The following KCNAB2 variants were observed in gnomAD, a reference collection of about 807,000 sequenced individuals.
The protein encoded by KCNAB2 is voltage-gated potassium channel subunit beta-2.
In KCNAB2, 29 loss-of-function variants were observed where a neutral mutation model predicts 63.6. That is an observed-to-expected ratio of 0.46 (90% CI 0.34 to 0.62). The LOEUF is 0.62. Ranked by LOEUF, KCNAB2 falls within the 20% of genes least tolerant of loss-of-function variation. The probability of loss-of-function intolerance (pLI) is 0.01; values close to 1 mark genes in which losing one functional copy is unlikely to be tolerated. For synonymous variants in KCNAB2, 222 were observed against 224.2 expected (o/e 0.99, Z 0.09); for missense variants, 359 against 563.9 (o/e 0.64, Z 3.68).
In KCNAB2 at chr1:5,993,806, G is replaced by A. The variant is rs146536232; in HGVS notation, c.-53+1018G>A. Among the ~76,000 whole-genome samples, 1,025 of 152,268 alleles carry A rather than the reference G, an allele frequency of 6.7e-3. 6 individuals are homozygous for A. The highest frequency in any genetic ancestry group is 0.011 in the Non-Finnish European group (760 of 68,022). On this transcript the variant is annotated intron_variant, in intron 1 of 16. Transcript: ENST00000341524. ...CACTTTGTGATTCAGCATTTTTGGG[G>A]TTGGTAACTTTCTTGCTTCCTGTCG...
intron 5 of KCNAB2, among the ~76,000 whole-genome samples, chr1:6,084,955 C>T (rs1299827887): frequency 6.6e-6 from 1 of 152,240 alleles, no homozygotes; most frequent in Non-Finnish European, 1.5e-5. Context: ...GCCGCCACTG[C>T]TTAGACACGT....
Position 6,090,247 on chromosome 1 carries a change from G to C in KCNAB2, c.515-142G>C, listed in dbSNP as rs141338772. The C allele has an allele frequency of 1.6e-3, 906 of 573,584 alleles. 10 individuals carry two copies. In the African/African-American group the frequency reaches 0.016, roughly 10 times the overall value. The allele number at this position is 573,584 out of a possible 1,614,324, so 35.5% of individuals were successfully genotyped here. A position where few individuals can be genotyped will look rare whatever the true frequency, so the allele number is the denominator to read the frequency against. On this transcript the variant is annotated intron_variant, in intron 8 of 15. Coordinates refer to ENST00000378083, the MANE Select transcript of KCNAB2 (RefSeq NM_001199862.2). ...CCCCACCTCTGCCGTGGCATTTCAC[G>C]ACCTCCATCAGCTTCTGGAAGCTTC...
chr1:6,048,036 C>T (rs1210221743), intron 1 of KCNAB2, among the ~76,000 whole-genome samples: 1 of 152,260 alleles, frequency 6.6e-6, no homozygotes, highest in Admixed American at 6.5e-5. Flanking sequence ...GGGACGCCCT[C>T]TAAATCCTGG....
chr1:6,059,614 T>C (rs1662136526), intron 2 of KCNAB2, among the ~76,000 whole-genome samples: 1 of 147,820 alleles, frequency 6.8e-6, no homozygotes, highest in Non-Finnish European at 1.5e-5. Flanking sequence ...GTCATTGTTG[T>C]TGGTCTTGTT....
In KCNAB2 at chr1:6,049,488, A is replaced by T. The variant is rs2100520003; in HGVS notation, c.-26-2023A>T. 2.0e-5 allele frequency among the ~76,000 whole-genome samples: 3 copies of T among 152,284 alleles called. No homozygotes were observed. In the South Asian group the frequency reaches 6.2e-4, roughly 32 times the overall value. ...TGGTTTGTGTGGGACAGAGGGTAGGATGGGAAACGCAGCCCCCCCACCCCC... is the reference window on the plus strand; with the variant it reads ...TGGTTTGTGTGGGACAGAGGGTAGGTTGGGAAACGCAGCCCCCCCACCCCC... On this transcript the variant is annotated intron_variant, in intron 1 of 15. Coordinates refer to ENST00000378083, the MANE Select transcript of KCNAB2 (RefSeq NM_001199862.2).
chr1:6,044,853 C>T (rs1001615101), upstream of KCNAB2, among the ~76,000 whole-genome samples: 4 of 152,158 alleles, frequency 2.6e-5, no homozygotes, highest in Non-Finnish European at 2.9e-5. Context: ...TCAGAAGCCA[C>T]GTCCACAGGG....
intron 8 of KCNAB2, 93 bp from the exon 9 acceptor site, chr1:6,090,296 A>C: frequency 4.7e-6 from 4 of 852,206 alleles, no homozygotes; most frequent in Admixed American, 2.6e-5. Flanking sequence ...CCTCTTCTCC[A>C]TCTCTTGTTC....
Position 6,051,644 on chromosome 1 carries a change from G to T in KCNAB2, c.108G>T (p.Arg36=), listed in dbSNP as rs924536381. 1 of 1,534,230 alleles carries T rather than the reference G, an allele frequency of 6.5e-7. No homozygotes were observed. Reference sequence around the variant, plus strand: ...AGACGGACACGCTGGAACTGCAGCGGCTGCGGGAGGTGCGGGCGGCTGCCC... The same window carrying T: ...AGACGGACACGCTGGAACTGCAGCGTCTGCGGGAGGTGCGGGCGGCTGCCC... ...VRQTDTLELQ[R]LREVRAAAQA... Residue 36 remains arginine (R), a synonymous_variant, in exon 2 of 16, where the codon CGG becomes CGT. Coordinates refer to ENST00000378083, the MANE Select transcript of KCNAB2 (RefSeq NM_001199862.2).
upstream of KCNAB2, chr1:6,041,768 A>G: frequency 2.7e-6 from 4 of 1,463,270 alleles, no homozygotes; most frequent in South Asian, 1.1e-5. Flanking sequence ...GTTGATGCCA[A>G]CTGTGGACTC....
chr1:6,095,424 G>A lies in KCNAB2; in HGVS notation c.834G>A (p.Pro278=), dbSNP rs116542179. 8.3e-4 allele frequency: 1,341 copies of A among 1,612,966 alleles called. 10 individuals carry two copies. In the African/African-American group the frequency reaches 0.015, roughly 18 times the overall value. The change falls in exon 12 of 16, where the codon CCG becomes CCA. Residue 278 remains proline, a synonymous_variant. Coordinates refer to ENST00000378083, the MANE Select transcript of KCNAB2 (RefSeq NM_001199862.2). Reference sequence around the variant, plus strand: ...GTGAGAAAGTGGAGGTGCAGCTGCCGGAGCTGTTCCACAAGATAGGTGGGC... The same window carrying A: ...GTGAGAAAGTGGAGGTGCAGCTGCCAGAGCTGTTCCACAAGATAGGTGGGC... ...FQREKVEVQL[P]ELFHKIGVGA...
intron 10 of KCNAB2, among the ~76,000 whole-genome samples, chr1:6,091,518 G>GT (rs1553132953): frequency 5.7e-5 from 8 of 141,438 alleles, no homozygotes; most frequent in Non-Finnish European, 9.2e-5. Flanking sequence ...CCATCCCCTC[G>GT]TTCCTCCTTC....
Position 6,087,050 on chromosome 1 carries a change from C to T in KCNAB2, c.426-417C>T, listed in dbSNP as rs995787316. Among the ~76,000 whole-genome samples, 7 of 152,156 alleles carry T rather than the reference C, an allele frequency of 4.6e-5. No individual in the cohort carries two copies. The highest frequency in any genetic ancestry group is 9.7e-5 in the African/African-American group (4 of 41,432). On this transcript the variant is annotated intron_variant, in intron 6 of 15. Transcript: ENST00000378083. The surrounding 1 kb of genome is among the most constrained non-coding windows in gnomAD (Gnocchi z 6.4). The stretch of plus-strand genomic sequence containing the variant: ...ACTCCTGCCAGATCCCCCCAGAGCC[C>T]GCCCCTGCCCCCTGGCCCACACCCG...
intron 9 of KCNAB2, 136 bp from the exon 10 acceptor site, chr1:6,091,122 TTGATA>T: frequency 1.4e-6 from 1 of 689,858 alleles, no homozygotes; most frequent in East Asian, 2.7e-5. Context: ...CGTGCGTGTG[TTGATA>T]TATTTTTTTC....
Position 6,096,892 on chromosome 1 carries a change from A to C in KCNAB2, c.1069+136A>C. Reference sequence around the variant, plus strand: ...AAGGGATCCCTGGACATCATCCCCCAGCCAGCCTCGGGTAATCGGGCTCTA... The same window carrying C: ...AAGGGATCCCTGGACATCATCCCCCCGCCAGCCTCGGGTAATCGGGCTCTA... On this transcript the variant is annotated intron_variant, in intron 14 of 15. Coordinates refer to ENST00000378083, the MANE Select transcript of KCNAB2 (RefSeq NM_001199862.2). This position sits in a 1 kb window ranked among gnomAD's most constrained non-coding sequence, Gnocchi z 5.9. The C allele has an allele frequency of 8.3e-7, 1 of 1,209,694 alleles. No homozygotes were observed. Among genetic ancestry groups the C allele is most frequent in the African/African-American group, 1.5e-5 (1 of 65,114 alleles). The allele number at this position is 1,209,694 out of a possible 1,614,324, so 74.9% of individuals were successfully genotyped here. A position where few individuals can be genotyped will look rare whatever the true frequency, so the allele number is the denominator to read the frequency against.
intron 1 of KCNAB2, among the ~76,000 whole-genome samples, chr1:6,048,014 C>T (rs1390653296): frequency 2.0e-5 from 3 of 152,248 alleles, no homozygotes; most frequent in Admixed American, 6.5e-5. Context: ...TGCAAGCGGG[C>T]CCCCACAGGG....
In KCNAB2 at chr1:6,051,557, C is replaced by T. The variant is rs1476448889; in HGVS notation, c.21C>T (p.Ser7=). The T allele has an allele frequency of 1.5e-5, 23 of 1,531,580 alleles. No individual in the cohort carries two copies. The highest frequency in any genetic ancestry group is 1.2e-4 in the East Asian group (5 of 40,802). 94.9% of individuals were successfully genotyped at this position (1,531,580 alleles called of 1,614,324 possible). A position where few individuals can be genotyped will look rare whatever the true frequency, so the allele number is the denominator to read the frequency against. Residue 7 remains serine (S), a synonymous_variant, in exon 2 of 16, where the codon AGC becomes AGT. Coordinates refer to ENST00000378083, the MANE Select transcript of KCNAB2 (RefSeq NM_001199862.2). MLSMTY[S]ESLRSVSSRC... is the part of the protein sequence containing the mutation. ...GCACCATGCTGTCCATGACGTACAG[C>T]GAGAGTCTGCGGAGCGTGAGCAGCA...
chr1:6,001,782 A>T (rs1369421676), intron 1 of KCNAB2, among the ~76,000 whole-genome samples: 2 of 152,170 alleles, frequency 1.3e-5, no homozygotes, highest in Non-Finnish European at 2.9e-5. Context: ...ACTGGGTCCT[A>T]GGCTCCTGGA....
intron 1 of KCNAB2, among the ~76,000 whole-genome samples, chr1:6,015,935 G>A (rs1403335340): frequency 1.3e-5 from 2 of 151,808 alleles, no homozygotes; most frequent in Non-Finnish European, 2.9e-5. Flanking sequence ...GGAACTCCTG[G>A]GCTCAATCTG....
chr1:6,007,148 C>T (rs1657847076), intron 1 of KCNAB2, among the ~76,000 whole-genome samples: 1 of 152,250 alleles, frequency 6.6e-6, no homozygotes, highest in South Asian at 2.1e-4. Flanking sequence ...GAGCTGGGAG[C>T]GCCACCACTC....
Sources: gnomAD v4.1 joint callset for allele counts (sites outside exome capture counted in the v4.1 genomes callset) on GRCh38, gnomAD v4.1.1 for gene constraint, Gnocchi (gnomAD v3.1) non-coding constraint, MANE v1.5 for transcripts, NCBI Gene and HGNC (gene_info 2026-07-23, HGNC 2026-07-21) for gene names.